Variants in TRAPPC9 observed in about 807,000 individuals in gnomAD.
The protein encoded by TRAPPC9 is IKK2 binding protein.
In TRAPPC9, 83 loss-of-function variants were observed where a neutral mutation model predicts 124.0. The ratio of observed to expected loss-of-function variants is 0.67; its 90% confidence interval spans 0.56 to 0.80. TRAPPC9 has a LOEUF of 0.80. TRAPPC9 is among the 30% of genes least tolerant of loss of function. The probability of loss-of-function intolerance (pLI) is 0.00; values close to 1 mark genes in which losing one functional copy is unlikely to be tolerated. For missense variants in TRAPPC9, 1,302 were observed against 1,508.3 expected, an observed-to-expected ratio of 0.86 and a Z score of 2.27; for synonymous variants, 638 against 617.5, an observed-to-expected ratio of 1.03 and a Z score of -0.49.
intron 17 of TRAPPC9, among the ~76,000 whole-genome samples, chr8:140,088,511 G>A (rs974616070): frequency 6.6e-6 from 1 of 152,168 alleles, no homozygotes; most frequent in Non-Finnish European, 1.5e-5. Context: ...CTTGAGAGCT[G>A]AATATAAATG....
intron 19 of TRAPPC9, among the ~76,000 whole-genome samples, chr8:139,947,894 G>GTGTGTGTT: frequency 1.5e-5 from 1 of 65,858 alleles, no homozygotes; most frequent in East Asian, 3.9e-4. Context: ...AAATATGTGT[G>GTGTGTGTT]TATATATATA....
chr8:139,808,034 G>A (rs1824188719), intron 21 of TRAPPC9, among the ~76,000 whole-genome samples: 1 of 152,190 alleles, frequency 6.6e-6, no homozygotes, highest in South Asian at 2.1e-4. Context: ...AGGGCAGGAG[G>A]TGGGAAAATC....
intron 16 of TRAPPC9, among the ~76,000 whole-genome samples, chr8:140,222,251 C>T (rs2063352342): frequency 6.6e-6 from 1 of 152,204 alleles, no homozygotes. Flanking sequence ...CACTCTCTGC[C>T]ACAAGACCCT....
chr8:140,455,601 T>C (rs1225105650), intron 1 of TRAPPC9, among the ~76,000 whole-genome samples: 1 of 151,768 alleles, frequency 6.6e-6, no homozygotes, highest in Non-Finnish European at 1.5e-5. Flanking sequence ...CAGCTAATTT[T>C]TGTATTTTTA....
At chr8:139,990,413 C>CAGCAGAACTG (rs1472086379) in intron 18 of TRAPPC9, among the ~76,000 whole-genome samples, 3 of 152,104 alleles carry the variant, frequency 2.0e-5, no homozygotes, top group African/African-American at 7.2e-5. Context: ...AACTGAGGTA[C>CAGCAGAACTG]AGGGGGTAGA....
intron 20 of TRAPPC9, among the ~76,000 whole-genome samples, chr8:139,909,827 C>T (rs560672521): frequency 3.3e-5 from 5 of 152,210 alleles, no homozygotes; most frequent in East Asian, 1.9e-4. Context: ...CCCCTGAGCC[C>T]GGCACTGATA....
chr8:140,191,406 T>G (rs566338166), intron 17 of TRAPPC9, among the ~76,000 whole-genome samples: 1 of 152,274 alleles, frequency 6.6e-6, no homozygotes, highest in South Asian at 2.1e-4. Context: ...GTATTGGAGG[T>G]AGGTCCTAGT....
Position 140,001,239 on chromosome 8 carries a change from C to G in TRAPPC9, c.2700-12403G>C, listed in dbSNP as rs141487283. ...ACACACCAGGGCCTGTCACGCACAC[C>G]AGGGGGGTGAGGGGCTGCGGGGATA... On this transcript the variant is annotated intron_variant, in intron 18 of 22. Coordinates refer to ENST00000438773, the MANE Select transcript of TRAPPC9 (RefSeq NM_001160372.4). 2.1e-3 allele frequency among the ~76,000 whole-genome samples: 321 copies of G among 152,012 alleles called. 1 individual carries two copies. Among genetic ancestry groups the G allele is most frequent in the African/African-American group, 7.7e-3 (318 of 41,492 alleles).
At chr8:139,824,294 A>G (rs1346468349) in intron 21 of TRAPPC9, among the ~76,000 whole-genome samples, 1 of 152,164 alleles carries the variant, frequency 6.6e-6, no homozygotes, top group Non-Finnish European at 1.5e-5. Context: ...TCGCCGGGTC[A>G]CTGTGACGAT....
At chr8:139,962,776 C>T (rs1172196248) in intron 19 of TRAPPC9, among the ~76,000 whole-genome samples, 2 of 123,908 alleles carry the variant, frequency 1.6e-5, no homozygotes, top group African/African-American at 5.1e-5. Context: ...AGCATCACAG[C>T]CTTGAGCAGC....
At chr8:140,455,094 T>C (rs1337134946) in intron 1 of TRAPPC9, among the ~76,000 whole-genome samples, 1 of 152,168 alleles carries the variant, frequency 6.6e-6, no homozygotes, top group East Asian at 1.9e-4. Context: ...TGAAAACATG[T>C]GTCCACACCA....
At chr8:139,924,671 C>T (rs1419264781) in intron 19 of TRAPPC9, among the ~76,000 whole-genome samples, 1 of 152,206 alleles carries the variant, frequency 6.6e-6, no homozygotes, top group Admixed American at 6.5e-5. Context: ...CTCCCCATCC[C>T]ACCCCCAGGA....
chr8:140,272,132 A>ATGGTGATGGTGATGGTGATGG (rs1563903620), intron 15 of TRAPPC9, among the ~76,000 whole-genome samples: 10 of 138,630 alleles, frequency 7.2e-5, no homozygotes, highest in African/African-American at 2.4e-4. Flanking sequence ...GATGGTGGCG[A>ATGGTGATGGTGATGGTGATGG]TGGTGATGGT....
intron 20 of TRAPPC9, among the ~76,000 whole-genome samples, chr8:139,892,988 G>A (rs751386754): frequency 4.6e-5 from 7 of 152,204 alleles, no homozygotes; most frequent in South Asian, 2.1e-4. Flanking sequence ...CCCAGTGCCC[G>A]TTCTGCAGGT....
intron 21 of TRAPPC9, among the ~76,000 whole-genome samples, chr8:139,837,180 C>T (rs529988312): frequency 1.3e-4 from 20 of 152,228 alleles, no homozygotes; most frequent in Non-Finnish European, 2.4e-4. Context: ...AAAGGCTGGA[C>T]TACGGTTCTT....
chr8:140,007,133 C>T (rs1418507540), intron 18 of TRAPPC9, among the ~76,000 whole-genome samples: 3 of 152,204 alleles, frequency 2.0e-5, no homozygotes, highest in South Asian at 2.1e-4. Flanking sequence ...CTGACCCACA[C>T]GCAGTGCCAT....
chr8:139,866,018 T>TG (rs10706820), intron 21 of TRAPPC9, among the ~76,000 whole-genome samples: 8 of 151,976 alleles, frequency 5.3e-5, no homozygotes, highest in South Asian at 2.1e-4. Context: ...GGTGGGGACA[T>TG]GGGGGGCCTT....
chr8:140,298,197 C>T (rs2065866960), intron 11 of TRAPPC9, among the ~76,000 whole-genome samples: 1 of 152,146 alleles, frequency 6.6e-6, no homozygotes, highest in African/African-American at 2.4e-5. Context: ...GTACTCCTAC[C>T]CTAGTTATGC....
intron 21 of TRAPPC9, among the ~76,000 whole-genome samples, chr8:139,736,052 C>T (rs1027303111): frequency 6.6e-5 from 10 of 152,180 alleles, no homozygotes; most frequent in African/African-American, 2.2e-4. Flanking sequence ...AACTGGTGCC[C>T]CCTCCATCTC....
Sources: gnomAD v4.1 joint callset for allele counts (sites outside exome capture counted in the v4.1 genomes callset) on GRCh38, gnomAD v4.1.1 for gene constraint, MANE v1.5 for transcripts, NCBI Gene and HGNC (gene_info 2026-07-23, HGNC 2026-07-21) for gene names.